The following E4F1 variants were observed in gnomAD, a reference collection of about 807,000 sequenced individuals.
E4F1 encodes E4F transcription factor 1, also known as transcription factor E4F1.
In E4F1, 30 loss-of-function variants were observed where a neutral mutation model predicts 72.9. That is an observed-to-expected ratio of 0.41 (90% CI 0.31 to 0.56). The LOEUF (loss-of-function observed/expected upper bound fraction) is 0.56. Among genes scored for constraint, E4F1 ranks in the 20% least tolerant of loss-of-function variants. The probability of loss-of-function intolerance (pLI) is 0.25; values close to 1 mark genes in which losing one functional copy is unlikely to be tolerated. For synonymous variants in E4F1, 542 were observed against 478.2 expected (o/e 1.13, Z -1.74); for missense variants, 1,091 against 1,117.5 (o/e 0.98, Z 0.34).
At chr16:2,226,202 T>A (rs1449948307) in intron 1 of E4F1, among the ~76,000 whole-genome samples, 2 of 152,354 alleles carry the variant, frequency 1.3e-5, no homozygotes, top group East Asian at 3.9e-4. Context: ...AGTCTCTGCC[T>A]TTTTTCCTTG....
At chr16:2,228,332 TCCG>T in intron 1 of E4F1, 37 bp from the exon 2 acceptor site, 1 of 1,612,474 alleles carries the variant, frequency 6.2e-7, no homozygotes, top group Non-Finnish European at 8.5e-7. Context: ...CTGCCCAGCC[TCCG>T]CCTTCCCAGG....
In E4F1 at chr16:2,232,216, T is replaced by A. The variant is rs753827991; in HGVS notation, c.461T>A (p.Leu154Gln). Residue 154 changes from leucine (L) to glutamine (Q), a missense_variant, in exon 4 of 14, where the codon CTG (leucine) becomes CAG (glutamine). By Grantham distance (113) the Leu-to-Gln change is moderately radical. Transcript: ENST00000301727. The part of the protein sequence containing the change: ...KEVIVAAEAE[L>Q]GDGEMAEAPG... ...GTCATCGTGGCTGCTGAGGCGGAGC[T>A]GGGAGACGGTGAGATGGCCGAGGCC... 12 of 1,612,606 alleles carry A rather than the reference T, an allele frequency of 7.4e-6. No individual in the cohort carries two copies. The highest frequency in any genetic ancestry group is 9.3e-6 in the Non-Finnish European group (11 of 1,179,894).
At chr16:2,233,370 C>T in intron 7 of E4F1, 68 bp from the exon 8 acceptor site, 1 of 1,450,196 alleles carries the variant, frequency 6.9e-7, no homozygotes, top group Non-Finnish European at 9.1e-7. Context: ...TGGCGTGCGT[C>T]TGCCCCATGG....
chr16:2,232,899 G>A lies in E4F1; in HGVS notation c.874G>A (p.Ala292Thr), dbSNP rs762585673. ...SKDVVVSKEDARAGSGAGAAG... is the reference protein window; with the variant it reads ...SKDVVVSKEDTRAGSGAGAAG... ...GGACGTGGTTGTCAGCAAAGAGGAC[G>A]CACGTGCAGGTCAGCATGGTGCGGG... Residue 292 changes from alanine to threonine, a missense_variant, in exon 6 of 14, where the codon GCA becomes ACA. Ala to Thr is a moderately conservative substitution (Grantham distance 58). This residue lies in a region of E4F1 where 101 missense variants were observed against 97.4 expected (regional missense o/e 1.04). Coordinates refer to ENST00000301727, the MANE Select transcript of E4F1 (RefSeq NM_004424.5). The A allele has an allele frequency of 1.7e-5, 28 of 1,613,228 alleles. No homozygotes were observed. In the Middle Eastern group the frequency reaches 6.6e-4, roughly 38 times the overall value.
At position 2,232,324 on chromosome 16, in the gene E4F1, G is replaced by T; in HGVS notation, c.569G>T (p.Gly190Val). The change falls in exon 4 of 14, where the codon GGC (glycine) becomes GTC (valine). Residue 190 changes from glycine (G) to valine (V), a missense_variant. Physicochemically the swap from Gly to Val is moderately radical, Grantham distance 109 (BLOSUM62 -3). This residue lies in a region of E4F1 where 362 missense variants were observed against 358.6 expected (regional missense o/e 1.01). Coordinates refer to ENST00000301727, the MANE Select transcript of E4F1 (RefSeq NM_004424.5). ...AQVKLLVNKD[G>V]RYVCALCHKT... is the part of the protein sequence containing the mutation. ...GTGAAGCTACTGGTGAACAAGGATG[G>T]CCGCTATGTGTGTGCGCTGTGCCAC... 1 of 1,609,120 alleles carries T rather than the reference G, an allele frequency of 6.2e-7. No individual in the cohort carries two copies. Among genetic ancestry groups the T allele is most frequent in the Non-Finnish European group, 8.5e-7 (1 of 1,177,794 alleles).
In E4F1 at chr16:2,235,258, C is replaced by A; in HGVS notation, c.2041C>A (p.Gln681Lys). The change falls in exon 14 of 14, where the codon CAG (glutamine) becomes AAG (lysine). Residue 681 changes from glutamine to lysine, a missense_variant. Around this residue, in one of 5 missense-constraint regions of E4F1, gnomAD observed 622 missense variants for 628.0 expected, o/e 0.99. Coordinates refer to ENST00000301727, the MANE Select transcript of E4F1 (RefSeq NM_004424.5). ...GAAGGTGGTGCAGCAGATCGTGCACCAGGCTAGCGCCGGCCACCAGATCAT... is the reference window on the plus strand; with the variant it reads ...GAAGGTGGTGCAGCAGATCGTGCACAAGGCTAGCGCCGGCCACCAGATCAT... Reference protein sequence around the residue: ...IMKVVQQIVHQASAGHQIIVQ... With the variant: ...IMKVVQQIVHKASAGHQIIVQ... 1 of 1,610,876 alleles carries A rather than the reference C, an allele frequency of 6.2e-7. No individual in the cohort carries two copies. Among genetic ancestry groups the A allele is most frequent in the Non-Finnish European group, 8.5e-7 (1 of 1,179,634 alleles).
intron 6 of E4F1, 46 bp downstream of exon 6, chr16:2,232,954 G>A (rs2093477569): frequency 6.2e-7 from 1 of 1,612,198 alleles, no homozygotes; most frequent in Non-Finnish European, 8.5e-7. Context: ...GCTGGCTGTG[G>A]ACGCAGCCGC....
chr16:2,235,578 G>C lies in E4F1; in HGVS notation c.*6G>C. 1 of 1,578,228 alleles carries C rather than the reference G, an allele frequency of 6.3e-7. No homozygotes were observed. The highest frequency in any genetic ancestry group is 1.1e-5 in the South Asian group (1 of 87,076). On this transcript the variant is annotated 3_prime_UTR_variant, in exon 14 of 14. Coordinates refer to ENST00000301727, the MANE Select transcript of E4F1 (RefSeq NM_004424.5). ...TGCAGACGGTCATCGTCTAGCATGAGGTCTGCGGGGTCCTGGCCGGGCAGG... is the reference window on the plus strand; with the variant it reads ...TGCAGACGGTCATCGTCTAGCATGACGTCTGCGGGGTCCTGGCCGGGCAGG...
chr16:2,234,776 C>T lies in E4F1; in HGVS notation c.1787C>T (p.Thr596Ile). The stretch of plus-strand genomic sequence containing the variant: ...GGCACGCTGAACCGGCACCTGCGCA[C>T]CAAAGGTCTGGGCCGGTGGAGGTGG... ...EHGTLNRHLRTKGGCLLEVEE... is the reference protein window; with the variant it reads ...EHGTLNRHLRIKGGCLLEVEE... The change falls in exon 11 of 14, where the codon ACC becomes ATC. Residue 596 changes from threonine (T) to isoleucine (I), a missense_variant. Physicochemically the swap from Thr to Ile is moderately conservative, Grantham distance 89 (BLOSUM62 -1). This residue lies in a region of E4F1 where 622 missense variants were observed against 628.0 expected (regional missense o/e 0.99). Transcript: ENST00000301727. 7.1e-6 allele frequency: 11 copies of T among 1,547,754 alleles called. No homozygotes were observed. The highest frequency in any genetic ancestry group is 1.2e-5 in the South Asian group (1 of 83,970).
Position 2,234,004 on chromosome 16 carries a change from G to T in E4F1, c.1375+14G>T. ...GGGGCCACACCGGTAGGTGATGGGT[G>T]GGTGTGTGGCCCATGGCAGTGGATG... On this transcript the variant is annotated intron_variant, in intron 9 of 13. Coordinates refer to ENST00000301727, the MANE Select transcript of E4F1 (RefSeq NM_004424.5). The T allele has an allele frequency of 6.4e-7, 1 of 1,574,670 alleles. No individual in the cohort carries two copies. Among genetic ancestry groups the T allele is most frequent in the Non-Finnish European group, 8.6e-7 (1 of 1,159,834 alleles).
rs751937000 is a variant in E4F1 at position 2,232,236 on chromosome 16, G to A, written c.481G>A (p.Glu161Lys). Reference protein sequence around the residue: ...EAELGDGEMAEAPGSPRQQGL... With the variant: ...EAELGDGEMAKAPGSPRQQGL... ...GGAGCTGGGAGACGGTGAGATGGCC[G>A]AGGCCCCGGGCAGCCCCCGCCAGCA... Residue 161 changes from glutamate (E) to lysine (K), a missense_variant, in exon 4 of 14, where the codon GAG (glutamate) becomes AAG (lysine). By Grantham distance (56) the Glu-to-Lys change is moderately conservative (BLOSUM62 1). Transcript: ENST00000301727. The A allele has an allele frequency of 1.4e-5, 22 of 1,612,606 alleles. No homozygotes were observed. The highest frequency in any genetic ancestry group is 1.9e-5 in the Non-Finnish European group (22 of 1,179,832).
Position 2,234,954 on chromosome 16 carries a change from G to T in E4F1, c.1888G>T (p.Val630Leu), listed in dbSNP as rs773780534. The T allele has an allele frequency of 6.3e-7, 1 of 1,590,474 alleles. No homozygotes were observed. Among genetic ancestry groups the T allele is most frequent in the East Asian group, 2.3e-5 (1 of 43,708 alleles). Residue 630 changes from valine (V) to leucine (L), a missense_variant, in exon 12 of 14, where the codon GTG becomes TTG. Physicochemically the swap from Val to Leu is conservative, Grantham distance 32. Coordinates refer to ENST00000301727, the MANE Select transcript of E4F1 (RefSeq NM_004424.5). Reference sequence around the variant, plus strand: ...CACGGAAGACCCGCACACAGTGTTGGTGGAGTTCTCGTCCGTGGTAGCTGA... The same window carrying T: ...CACGGAAGACCCGCACACAGTGTTGTTGGAGTTCTCGTCCGTGGTAGCTGA... Reference protein sequence around the residue: ...VLTEDPHTVLVEFSSVVADTQ... With the variant: ...VLTEDPHTVLLEFSSVVADTQ...
intron 1 of E4F1, among the ~76,000 whole-genome samples, chr16:2,224,444 T>C (rs1180655212): frequency 6.6e-6 from 1 of 152,242 alleles, no homozygotes; most frequent in Non-Finnish European, 1.5e-5. Flanking sequence ...AGGTGGATGT[T>C]ATTGTTATTC....
At chr16:2,233,218 G>A (rs999553305) in intron 7 of E4F1, 35 bp downstream of exon 7, 3 of 1,568,074 alleles carry the variant, frequency 1.9e-6, no homozygotes, top group Non-Finnish European at 2.6e-6. Context: ...GGGCTGCTCT[G>A]TCTTCTGCCT....
At chr16:2,226,567 G>T (rs1411107420) in intron 1 of E4F1, among the ~76,000 whole-genome samples, 2 of 152,228 alleles carry the variant, frequency 1.3e-5, no homozygotes, top group Non-Finnish European at 2.9e-5. Flanking sequence ...ATCAGGCCTG[G>T]GTTTGATCCT....
rs954869100 is a variant in E4F1, at chr16:2,233,717, C to A, written c.1266+70C>A. Reference sequence around the variant, plus strand: ...CAGGGGCTGTCCCCACGCTGGCCTTCGCCTCCCTGAAGTGGCTTTCTGCAG... The same window carrying A: ...CAGGGGCTGTCCCCACGCTGGCCTTAGCCTCCCTGAAGTGGCTTTCTGCAG... On this transcript the variant is annotated intron_variant, in intron 8 of 13. Coordinates refer to ENST00000301727, the MANE Select transcript of E4F1 (RefSeq NM_004424.5). 10 of 1,489,694 alleles carry A rather than the reference C, an allele frequency of 6.7e-6. No individual in the cohort carries two copies. The African/African-American group carries it at 9.7e-5, about 15-fold the overall frequency. 92.3% of individuals were successfully genotyped at this position (1,489,694 alleles called of 1,614,324 possible).
In E4F1 at chr16:2,233,576, G is replaced by C. The variant is rs375039813; in HGVS notation, c.1195G>C (p.Gly399Arg). ...EGALEPAPAA[G>R]SSPQPLAVAA... ...TGCCCTGGAGCCAGCTCCTGCTGCC[G>C]GGTCCAGTCCCCAGCCCCTGGCAGT... The change falls in exon 8 of 14, where the codon GGG becomes CGG. Residue 399 changes from glycine to arginine, a missense_variant. Around this residue, in one of 5 missense-constraint regions of E4F1, gnomAD observed 622 missense variants for 628.0 expected, o/e 0.99. Coordinates refer to ENST00000301727, the MANE Select transcript of E4F1 (RefSeq NM_004424.5). 3 of 1,503,160 alleles carry C rather than the reference G, an allele frequency of 2.0e-6. No homozygotes were observed. In the South Asian group the frequency reaches 3.8e-5, roughly 19 times the overall value. The allele number at this position is 1,503,160 out of a possible 1,614,324, so 93.1% of individuals were successfully genotyped here. A position where few individuals can be genotyped will look rare whatever the true frequency, so the allele number is the denominator to read the frequency against.
chr16:2,235,162 G>C lies in E4F1; in HGVS notation c.1998+19G>C. 1.2e-6 allele frequency: 2 copies of C among 1,611,444 alleles called. No homozygotes were observed. Among genetic ancestry groups the C allele is most frequent in the African/African-American group, 1.3e-5 (1 of 75,056 alleles). On this transcript the variant is annotated intron_variant, in intron 13 of 13. Coordinates refer to ENST00000301727, the MANE Select transcript of E4F1 (RefSeq NM_004424.5). ...GACAGAGGTGAGGGGTAGGGCAGGC[G>C]GGGGCGGGGAGGCTCCCTGGCACAG...
chr16:2,234,432 C>G (rs1160626161), intron 10 of E4F1, 44 bp downstream of exon 10: 1 of 1,606,066 alleles, frequency 6.2e-7, no homozygotes, highest in East Asian at 2.2e-5. Context: ...TCCCCCCATC[C>G]TGCTCCCTGG....
Sources: gnomAD v4.1 joint callset for allele counts (sites outside exome capture counted in the v4.1 genomes callset) on GRCh38, gnomAD v4.1.1 for gene constraint, gnomAD v4.1.1 regional missense constraint, MANE v1.5 for transcripts, NCBI Gene and HGNC (gene_info 2026-07-23, HGNC 2026-07-21) for gene names.